The following NECTIN2 variants were observed in gnomAD, a reference collection of about 807,000 sequenced individuals.
The protein encoded by NECTIN2 is nectin cell adhesion molecule 2, also known as nectin-2.
A neutral mutation model predicts 56.9 loss-of-function variants in NECTIN2; 23 were observed. The observed-to-expected ratio is 0.40, with a 90% CI of 0.29 to 0.57. The LOEUF (loss-of-function observed/expected upper bound fraction) is 0.57. Ranked by LOEUF, NECTIN2 falls within the 20% of genes least tolerant of loss-of-function variation. The pLI, the probability that NECTIN2 is intolerant of heterozygous loss-of-function variation, is 0.38. For missense variants in NECTIN2, 587 were observed against 718.3 expected, an observed-to-expected ratio of 0.82 and a Z score of 2.09; for synonymous variants, 302 against 313.8, an observed-to-expected ratio of 0.96 and a Z score of 0.40.
chr19:44,872,699 A>G (rs1599921521), intron 3 of NECTIN2, among the ~76,000 whole-genome samples: 1 of 151,102 alleles, frequency 6.6e-6, no homozygotes, highest in Non-Finnish European at 1.5e-5. Flanking sequence ...ACCTTCCCAT[A>G]CTTCTGCCTT....
chr19:44,867,318 G>A (rs1005610595), intron 2 of NECTIN2, among the ~76,000 whole-genome samples: 3 of 151,910 alleles, frequency 2.0e-5, no homozygotes, highest in Non-Finnish European at 4.4e-5. Flanking sequence ...CACTGAGCCT[G>A]GCCAGGAAAG....
Position 44,886,244 on chromosome 19 carries a change from G to C in NECTIN2, c.1347+25G>C, listed in dbSNP as rs766851964. On this transcript the variant is annotated intron_variant, in intron 8 of 8. Coordinates refer to ENST00000252483, the MANE Select transcript of NECTIN2 (RefSeq NM_001042724.2). ...GGTAGGAGCTCATGGGAAGACAAAG[G>C]TGGGTTGGGGGTCTGGGTTGAAGGG... 6 of 1,587,282 alleles carry C rather than the reference G, an allele frequency of 3.8e-6. No individual in the cohort carries two copies. In the African/African-American group the frequency reaches 6.7e-5, roughly 18 times the overall value.
intron 2 of NECTIN2, among the ~76,000 whole-genome samples, chr19:44,868,453 TCTTTTC>T (rs1237038884): frequency 1.3e-5 from 2 of 149,146 alleles, no homozygotes; most frequent in Non-Finnish European, 3.0e-5. Context: ...TGCTTTTTTT[TCTTTTC>T]CTTTTTCTTT....
intron 1 of NECTIN2, among the ~76,000 whole-genome samples, chr19:44,864,944 G>A (rs1036669843): frequency 1.3e-5 from 2 of 152,142 alleles, no homozygotes; most frequent in Non-Finnish European, 2.9e-5. Context: ...TTGAGATCAT[G>A]ACATTGCGAC....
At chr19:44,846,706 C>T (rs2306149) in intron 1 of NECTIN2, 93 bp downstream of exon 1, 3 of 1,406,148 alleles carry the variant, frequency 2.1e-6, no homozygotes, top group Admixed American at 2.5e-5. Flanking sequence ...CCGCCCACCC[C>T]CGGCTCCCCG....
At chr19:44,880,009 C>T (rs1202545289) in intron 5 of NECTIN2, among the ~76,000 whole-genome samples, 1 of 152,216 alleles carries the variant, frequency 6.6e-6, no homozygotes, top group East Asian at 1.9e-4. Context: ...CCCCCACCCT[C>T]TGAAGCCCTC....
rs1438236068 is a variant in NECTIN2, at chr19:44,872,074, G to A, written c.700G>A (p.Val234Ile). ...TLVPSGRADG[V>I]TVTCKVEHES... The stretch of plus-strand genomic sequence containing the variant: ...GGTGCCCTCGGGCCGAGCAGATGGT[G>A]TCACGGTCACCTGCAAAGTGGAGCA... The change falls in exon 3 of 9, where the codon GTC becomes ATC. Residue 234 changes from valine to isoleucine, a missense_variant. Coordinates refer to ENST00000252483, the MANE Select transcript of NECTIN2 (RefSeq NM_001042724.2). 1 of 1,614,210 alleles carries A rather than the reference G, an allele frequency of 6.2e-7. No homozygotes were observed. The highest frequency in any genetic ancestry group is 8.5e-7 in the Non-Finnish European group (1 of 1,180,042).
At chr19:44,854,852 G>A (rs140431017) in intron 1 of NECTIN2, among the ~76,000 whole-genome samples, 540 of 151,916 alleles carry the variant, frequency 3.6e-3, no homozygotes, top group African/African-American at 0.013. Flanking sequence ...GTTGCCGGGC[G>A]CGGTGGCTCA....
Position 44,846,327 on chromosome 19 carries a change from T to G in NECTIN2, c.-199T>G. 1 of 565,082 alleles carries G rather than the reference T, an allele frequency of 1.8e-6. No individual in the cohort carries two copies. Among genetic ancestry groups the G allele is most frequent in the South Asian group, 3.3e-5 (1 of 29,904 alleles). The allele number at this position is 565,082 out of a possible 1,614,324, so 35.0% of individuals were successfully genotyped here. On this transcript the variant is annotated 5_prime_UTR_variant, in exon 1 of 9. Transcript: ENST00000252483. ...GTCAGCGGGTTCGAACCGCCGGAGC[T>G]GAGCGAGAGGCCGGGGGTGCCGAGC...
chr19:44,861,741 G>A (rs1228572109), intron 1 of NECTIN2, among the ~76,000 whole-genome samples: 1 of 152,002 alleles, frequency 6.6e-6, no homozygotes, highest in Non-Finnish European at 1.5e-5. Flanking sequence ...CAACAAACAT[G>A]AAAAAAATGC....
chr19:44,865,079 T>G lies in NECTIN2; in HGVS notation c.89-192T>G, dbSNP rs746780696. Among the ~76,000 whole-genome samples the G allele has an allele frequency of 1.3e-4, 20 of 152,338 alleles. No individual in the cohort carries two copies. The highest frequency in any genetic ancestry group is 2.6e-4 in the Admixed American group (4 of 15,294). On this transcript the variant is annotated intron_variant, in intron 1 of 8. Coordinates refer to ENST00000252483, the MANE Select transcript of NECTIN2 (RefSeq NM_001042724.2). The surrounding 1 kb of genome is among the most constrained non-coding windows in gnomAD (Gnocchi z 5.2). ...CATAGTACACGTTATAGTTGTATAA[T>G]AGAATAGTCATTTTAGTCTTCCCTA...
At chr19:44,885,307 CTTTTTT>C (rs34485333) in intron 6 of NECTIN2, among the ~76,000 whole-genome samples, 2,613 of 112,928 alleles carry the variant, frequency 0.023, 40 homozygotes, top group Middle Eastern at 0.037. Context: ...ATCTTTCTTT[CTTTTTT>C]TTTTTTTTTT....
intron 1 of NECTIN2, among the ~76,000 whole-genome samples, chr19:44,852,630 A>G (rs1263648393): frequency 6.6e-6 from 1 of 151,828 alleles, no homozygotes; most frequent in African/African-American, 2.4e-5. Flanking sequence ...AGCTGTGCAT[A>G]GGAACAAACC....
intron 1 of NECTIN2, among the ~76,000 whole-genome samples, chr19:44,854,231 A>T (rs1968937382): frequency 6.6e-6 from 1 of 151,962 alleles, no homozygotes. Flanking sequence ...AGTAGCTGGA[A>T]TTACAGGCAT....
At chr19:44,884,564 TCTC>T (rs1444031778) in intron 6 of NECTIN2, among the ~76,000 whole-genome samples, 2 of 152,324 alleles carry the variant, frequency 1.3e-5, no homozygotes, top group Middle Eastern at 6.8e-3. Flanking sequence ...TTGCTGCTGA[TCTC>T]CTCTGTGTGC....
At chr19:44,846,678 G>A in intron 1 of NECTIN2, 65 bp downstream of exon 1, 1 of 1,487,286 alleles carries the variant, frequency 6.7e-7, no homozygotes, top group Non-Finnish European at 8.9e-7. Context: ...TCCGAGCTGG[G>A]GAAGCCGAGC....
At chr19:44,882,645 A>G (rs1969320086) in intron 6 of NECTIN2, among the ~76,000 whole-genome samples, 1 of 144,112 alleles carries the variant, frequency 6.9e-6, no homozygotes, top group African/African-American at 2.6e-5. Context: ...TGAGCCCAGG[A>G]ATTTGAGCCC....
chr19:44,848,817 T>C (rs1968867529), intron 1 of NECTIN2, among the ~76,000 whole-genome samples: 1 of 151,988 alleles, frequency 6.6e-6, no homozygotes, highest in African/African-American at 2.4e-5. Context: ...CTCTCTCCTC[T>C]CCGTCTTTCT....
intron 1 of NECTIN2, among the ~76,000 whole-genome samples, chr19:44,861,197 A>G (rs947140543): frequency 1.4e-4 from 21 of 152,178 alleles, no homozygotes; most frequent in Middle Eastern, 3.2e-3. Context: ...CCCACTGTTG[A>G]TGGGAATGTA....
Sources: gnomAD v4.1 joint callset for allele counts (sites outside exome capture counted in the v4.1 genomes callset) on GRCh38, gnomAD v4.1.1 for gene constraint, Gnocchi (gnomAD v3.1) non-coding constraint, MANE v1.5 for transcripts, NCBI Gene and HGNC (gene_info 2026-07-23, HGNC 2026-07-21) for gene names.